PCDH9: variants seen among roughly 807,000 people sequenced by gnomAD.
PCDH9 encodes the protein protocadherin 9.
Under a neutral mutation model 70.6 loss-of-function variants are expected in PCDH9, and 24 were observed. That is an observed-to-expected ratio of 0.34 (90% CI 0.25 to 0.48). PCDH9 has a LOEUF of 0.48. Among genes scored for constraint, PCDH9 ranks in the 20% least tolerant of loss-of-function variants. The pLI, the probability that PCDH9 is intolerant of heterozygous loss-of-function variation, is 0.99. For synonymous variants in PCDH9, 562 were observed against 558.5 expected, an observed-to-expected ratio of 1.01 and a Z score of -0.09; for missense variants, 1,281 against 1,503.6, an observed-to-expected ratio of 0.85 and a Z score of 2.45.
chr13:66,483,929 T>C (rs1000022858), intron 4 of PCDH9, among the ~76,000 whole-genome samples: 5 of 152,008 alleles, frequency 3.3e-5, no homozygotes, highest in African/African-American at 9.7e-5. Flanking sequence ...AGGTGTTGTA[T>C]GGCAATCGGA....
chr13:66,733,567 T>C (rs758893180), intron 3 of PCDH9, among the ~76,000 whole-genome samples: 3 of 152,148 alleles, frequency 2.0e-5, no homozygotes, highest in Non-Finnish European at 4.4e-5. Flanking sequence ...AATTTCCATA[T>C]AGATCTCAAT....
At chr13:66,568,474 A>C (rs2076683778) in intron 4 of PCDH9, among the ~76,000 whole-genome samples, 1 of 149,898 alleles carries the variant, frequency 6.7e-6, no homozygotes, top group Non-Finnish European at 1.5e-5. Context: ...CTGACTCAAA[A>C]TGATTTGCAC....
At chr13:66,490,906 A>G (rs977190507) in intron 4 of PCDH9, among the ~76,000 whole-genome samples, 1 of 152,202 alleles carries the variant, frequency 6.6e-6, no homozygotes, top group African/African-American at 2.4e-5. Flanking sequence ...TTTGCCCAGC[A>G]TATCTGTCCC....
Position 67,226,138 on chromosome 13 carries a change from A to G in PCDH9, c.2303T>C (p.Val768Ala). Residue 768 changes from valine to alanine, a missense_variant, in exon 2 of 5, where the codon GTG becomes GCG. Val to Ala is a moderately conservative substitution (Grantham distance 64). Transcript: ENST00000377865. This position sits in a 1 kb window ranked among gnomAD's most constrained non-coding sequence, Gnocchi z 5.0. The stretch of plus-strand genomic sequence containing the variant: ...GTCGTTAACATAAAGGAATACAAGC[A>G]CAAGCGTGTGCAAAGACTTAGGGTA... ...LGYPKSLHTL[V>A]LVFLYVNDTA... is the part of the protein sequence containing the mutation. The G allele has an allele frequency of 6.2e-7, 1 of 1,614,188 alleles. No individual in the cohort carries two copies. Among genetic ancestry groups the G allele is most frequent in the Non-Finnish European group, 8.5e-7 (1 of 1,180,030 alleles).
rs1957110419 is a variant in PCDH9 at position 66,396,897 on chromosome 13, T to C, written c.3341-91869A>G. ...AGGGCCCATAAGACAAGTGGATCTT[T>C]CATTTGTCTTACATTAAAACCAAAA... On this transcript the variant is annotated intron_variant, in intron 4 of 4. Transcript: ENST00000377865. Among the ~76,000 whole-genome samples the C allele has an allele frequency of 2.0e-5, 3 of 152,192 alleles. No individual in the cohort carries two copies. In the South Asian group the frequency reaches 6.2e-4, roughly 32 times the overall value.
intron 2 of PCDH9, chr13:67,207,354 A>ACC (rs2089375955): frequency 6.6e-6 from 1 of 152,174 alleles, no homozygotes; most frequent in African/African-American, 2.4e-5. Flanking sequence ...GGAACCGTAA[A>ACC]CTATTCTCCC....
chr13:66,956,170 G>A (rs2083263035), intron 2 of PCDH9, among the ~76,000 whole-genome samples: 1 of 152,140 alleles, frequency 6.6e-6, no homozygotes, highest in Admixed American at 6.6e-5. Flanking sequence ...ACCTACAACA[G>A]TGCCTGACAG....
At chr13:66,947,886 A>G (rs532262320) in intron 2 of PCDH9, among the ~76,000 whole-genome samples, 56 of 152,226 alleles carry the variant, frequency 3.7e-4, no homozygotes, top group African/African-American at 5.1e-4. Context: ...ATCTGTCTTC[A>G]GTGAGTTGGA....
chr13:66,844,954 G>T (rs941876773), intron 3 of PCDH9, among the ~76,000 whole-genome samples: 1 of 152,138 alleles, frequency 6.6e-6, no homozygotes, highest in Non-Finnish European at 1.5e-5. Flanking sequence ...ATGGCCACTG[G>T]TGCCTTTGCC....
chr13:66,747,666 TATAATCAAAAAAAC>T (rs1239920564), intron 3 of PCDH9, among the ~76,000 whole-genome samples: 1 of 152,170 alleles, frequency 6.6e-6, no homozygotes, highest in Non-Finnish European at 1.5e-5. Context: ...TATGTTTATA[TATAATCAAAAAAAC>T]ATAATCAAAA....
chr13:66,304,260 C>CAAAAAAAAAAAAAAAAAA lies in PCDH9; in HGVS notation c.*377_*394dup, dbSNP rs55837718. The CAAAAAAAAAAAAAAAAAA allele has an allele frequency of 4.1e-4, 27 of 65,350 alleles. 3 individuals are homozygous for CAAAAAAAAAAAAAAAAAA. The highest frequency in any genetic ancestry group is 5.2e-4 in the Non-Finnish European group (19 of 36,824). 4.0% of individuals were successfully genotyped at this position (65,350 alleles called of 1,614,324 possible). A position where few individuals can be genotyped will look rare whatever the true frequency, so the allele number is the denominator to read the frequency against. The stretch of plus-strand genomic sequence containing the variant: ...TAGCAGTCCCAGCACAAATCAATGA[C>CAAAAAAAAAAAAAAAAAA]AAAAAAAAAAAAAAAAAAAAAAAAA... On this transcript the variant is annotated 3_prime_UTR_variant, in exon 5 of 5. Coordinates refer to ENST00000377865, the MANE Select transcript of PCDH9 (RefSeq NM_203487.3).
At chr13:66,411,249 T>C (rs1593934419) in intron 4 of PCDH9, among the ~76,000 whole-genome samples, 1 of 152,334 alleles carries the variant, frequency 6.6e-6, no homozygotes, top group East Asian at 1.9e-4. Flanking sequence ...TATTTTTGAA[T>C]TTTTAACTTT....
At chr13:67,061,975 G>A (rs560784856) in intron 2 of PCDH9, among the ~76,000 whole-genome samples, 11 of 152,242 alleles carry the variant, frequency 7.2e-5, no homozygotes, top group South Asian at 2.1e-4. Context: ...GCTAGTAGGC[G>A]GTAACGGCAG....
intron 3 of PCDH9, among the ~76,000 whole-genome samples, chr13:66,812,174 G>T (rs1178561747): frequency 6.6e-6 from 1 of 151,964 alleles, no homozygotes; most frequent in Non-Finnish European, 1.5e-5. Flanking sequence ...CTTACGTGCA[G>T]AACTTTCAGG....
chr13:67,058,338 T>A lies in PCDH9; in HGVS notation c.3037-154733A>T, dbSNP rs572593947. On this transcript the variant is annotated intron_variant, in intron 2 of 4. Transcript: ENST00000377865. ...CCAGTGTCTTAGCTTCTCTGCAGGATATGATTGAACACTCCTTATCTTATT... is the reference window on the plus strand; with the variant it reads ...CCAGTGTCTTAGCTTCTCTGCAGGAAATGATTGAACACTCCTTATCTTATT... 7.2e-5 allele frequency among the ~76,000 whole-genome samples: 11 copies of A among 152,276 alleles called. No homozygotes were observed. The South Asian group carries it at 2.3e-3, about 32-fold the overall frequency.
At chr13:67,081,815 T>C (rs191323939) in intron 2 of PCDH9, among the ~76,000 whole-genome samples, 6 of 152,332 alleles carry the variant, frequency 3.9e-5, no homozygotes, top group Admixed American at 3.3e-4. Context: ...CTTTCAATTA[T>C]TTCCTAGAGA....
At chr13:67,045,766 G>A (rs558689074) in intron 2 of PCDH9, among the ~76,000 whole-genome samples, 2 of 152,084 alleles carry the variant, frequency 1.3e-5, no homozygotes, top group African/African-American at 4.8e-5. Flanking sequence ...GTGAGGCTTC[G>A]AGTTACTTTC....
chr13:66,653,401 A>T (rs1356464635), intron 3 of PCDH9, among the ~76,000 whole-genome samples: 1 of 152,060 alleles, frequency 6.6e-6, no homozygotes, highest in Non-Finnish European at 1.5e-5. Context: ...CAAACAGGTA[A>T]ATGAAAAGGT....
intron 3 of PCDH9, among the ~76,000 whole-genome samples, chr13:66,773,909 C>G: frequency 6.6e-6 from 1 of 151,604 alleles, no homozygotes; most frequent in African/African-American, 2.4e-5. Flanking sequence ...TCCCAAGTAG[C>G]TGGGATTACA....
Sources: gnomAD v4.1 joint callset for allele counts (sites outside exome capture counted in the v4.1 genomes callset) on GRCh38, gnomAD v4.1.1 for gene constraint, Gnocchi (gnomAD v3.1) non-coding constraint, MANE v1.5 for transcripts, NCBI Gene and HGNC (gene_info 2026-07-23, HGNC 2026-07-21) for gene names.